Variants in ACAD9 observed in about 807,000 individuals in gnomAD.
ACAD9 encodes acyl-CoA dehydrogenase family member 9, also known as complex I assembly factor ACAD9, mitochondrial.
Under a neutral mutation model 70.2 loss-of-function variants are expected in ACAD9, and 53 were observed. The observed-to-expected ratio is 0.75, with a 90% CI of 0.61 to 0.95. The LOEUF is 0.95. Ranked by LOEUF, ACAD9 falls within the 40% of genes least tolerant of loss-of-function variation. ACAD9 has a pLI of 0.00. For synonymous variants in ACAD9, 313 were observed against 312.1 expected (o/e 1.00, Z -0.03); for missense variants, 777 against 802.8 (o/e 0.97, Z 0.39).
chr3:128,889,500 C>G (rs1229483404), intron 2 of ACAD9, among the ~76,000 whole-genome samples: 5 of 152,240 alleles, frequency 3.3e-5, no homozygotes, highest in Non-Finnish European at 5.9e-5. Flanking sequence ...AGTGAACGTA[C>G]TCATTACCCG....
chr3:128,883,735 T>G (rs1047992161), intron 1 of ACAD9, among the ~76,000 whole-genome samples: 3 of 152,086 alleles, frequency 2.0e-5, no homozygotes, highest in African/African-American at 4.8e-5. Flanking sequence ...AAGTTGGCTG[T>G]CACTTTTAGT....
At chr3:128,891,567 G>A (rs933090577) in intron 2 of ACAD9, among the ~76,000 whole-genome samples, 1 of 152,204 alleles carries the variant, frequency 6.6e-6, no homozygotes, top group Non-Finnish European at 1.5e-5. Flanking sequence ...GTTGCAGTGA[G>A]CTGAGATCAC....
chr3:128,910,757 C>A lies in ACAD9; in HGVS notation c.1709C>A (p.Thr570Asn). 1.2e-6 allele frequency: 2 copies of A among 1,614,236 alleles called. No individual in the cohort carries two copies. The highest frequency in any genetic ancestry group is 1.7e-6 in the Non-Finnish European group (2 of 1,180,044). ...NHDHEVLLAN[T>N]FCVEAYLQNL... ...TTCTGGCAGGTTCTCTTGGCCAACACCTTCTGCGTGGAAGCTTACTTGCAG... is the reference window on the plus strand; with the variant it reads ...TTCTGGCAGGTTCTCTTGGCCAACAACTTCTGCGTGGAAGCTTACTTGCAG... Residue 570 changes from threonine to asparagine, a missense_variant, in exon 17 of 18, where the codon ACC (threonine) becomes AAC (asparagine). Thr to Asn is a moderately conservative substitution (Grantham distance 65). Transcript: ENST00000308982.
chr3:128,883,548 G>A (rs1935157657), intron 1 of ACAD9, among the ~76,000 whole-genome samples: 1 of 152,042 alleles, frequency 6.6e-6, no homozygotes, highest in African/African-American at 2.4e-5. Context: ...AGTAGAAACG[G>A]GGTTTCACCA....
At chr3:128,893,741 T>C in intron 3 of ACAD9, 85 bp downstream of exon 3, 2 of 1,154,880 alleles carry the variant, frequency 1.7e-6, no homozygotes, top group Admixed American at 1.9e-5. Flanking sequence ...GTTGCTGGAA[T>C]AGATGACACC....
chr3:128,906,535 G>A (rs1475444588), intron 12 of ACAD9, among the ~76,000 whole-genome samples: 1 of 152,176 alleles, frequency 6.6e-6, no homozygotes, highest in Non-Finnish European at 1.5e-5. Context: ...GCCGACCAAG[G>A]GAGATGACAG....
At position 128,906,102 on chromosome 3, in the gene ACAD9, T is replaced by A; in HGVS notation, c.1150-19T>A. On this transcript the variant is annotated intron_variant, in intron 11 of 17. Coordinates refer to ENST00000308982, the MANE Select transcript of ACAD9 (RefSeq NM_014049.5). ...CGTAGGTCCTCCTTTTGGAAAGGATTCAGTGTGACACCCCACAGGTGTTCA... is the reference window on the plus strand; with the variant it reads ...CGTAGGTCCTCCTTTTGGAAAGGATACAGTGTGACACCCCACAGGTGTTCA... The A allele has an allele frequency of 6.2e-7, 1 of 1,614,104 alleles. No homozygotes were observed. The highest frequency in any genetic ancestry group is 8.5e-7 in the Non-Finnish European group (1 of 1,180,030).
chr3:128,910,005 G>A lies in ACAD9; in HGVS notation c.1564-16G>A. 1.2e-6 allele frequency: 2 copies of A among 1,612,750 alleles called. No individual in the cohort carries two copies. Among genetic ancestry groups the A allele is most frequent in the African/African-American group, 1.3e-5 (1 of 75,062 alleles). On this transcript the variant is annotated splice_polypyrimidine_tract_variant and intron_variant, in intron 15 of 17. Coordinates refer to ENST00000308982, the MANE Select transcript of ACAD9 (RefSeq NM_014049.5). ...TCTAGGTAGTGAGTCCCCACTTGGA[G>A]CCTCTGTGATCCCAGACCATCATGG...
rs144152795 is a variant in ACAD9, at chr3:128,906,423, C to T, written c.1278+174C>T. On this transcript the variant is annotated intron_variant, in intron 12 of 17. Coordinates refer to ENST00000308982, the MANE Select transcript of ACAD9 (RefSeq NM_014049.5). ...CCGACTGCTGCCCTCCATGAAGTCA[C>T]AAGCCTGAGGAGTCAGTTCAGTTAG... 1.7e-3 allele frequency among the ~76,000 whole-genome samples: 256 copies of T among 152,288 alleles called. 1 individual carries two copies. In the East Asian group the frequency reaches 0.019, roughly 11 times the overall value.
intron 16 of ACAD9, chr3:128,910,483 T>G (rs1936160852): frequency 1.2e-6 from 1 of 829,050 alleles, no homozygotes; most frequent in Non-Finnish European, 1.9e-6. Context: ...CTGCCTGCAC[T>G]TTCCAGAGCA....
At chr3:128,911,127 G>A (rs1335880715) in intron 17 of ACAD9, among the ~76,000 whole-genome samples, 2 of 152,210 alleles carry the variant, frequency 1.3e-5, no homozygotes, top group Non-Finnish European at 2.9e-5. Flanking sequence ...CGCAGTCTTG[G>A]CTCCCTGCAA....
At chr3:128,891,448 C>G (rs1935418890) in intron 2 of ACAD9, among the ~76,000 whole-genome samples, 1 of 152,120 alleles carries the variant, frequency 6.6e-6, no homozygotes, top group Non-Finnish European at 1.5e-5. Flanking sequence ...GGGTGAAACC[C>G]CGTCTCTACC....
At chr3:128,906,305 A>G (rs1160803555) in intron 12 of ACAD9, 56 bp downstream of exon 12, 1 of 1,609,278 alleles carries the variant, frequency 6.2e-7, no homozygotes, top group African/African-American at 1.3e-5. Context: ...GCCTGGTCCT[A>G]AAGATGCTGC....
intron 15 of ACAD9, 88 bp from the exon 16 acceptor site, chr3:128,909,933 A>C: frequency 6.4e-7 from 1 of 1,568,290 alleles, no homozygotes; most frequent in Non-Finnish European, 8.7e-7. Context: ...ACAGGAGACT[A>C]AGACAGGCAA....
At chr3:128,905,794 A>G (rs1301503758) in intron 11 of ACAD9, among the ~76,000 whole-genome samples, 2 of 152,204 alleles carry the variant, frequency 1.3e-5, no homozygotes, top group African/African-American at 4.8e-5. Context: ...ACAGACAGAA[A>G]GAAATCACGG....
At chr3:128,879,974 C>T in intron 1 of ACAD9, 133 bp downstream of exon 1, 2 of 1,559,248 alleles carry the variant, frequency 1.3e-6, no homozygotes, top group Non-Finnish European at 1.7e-6. Flanking sequence ...GGCGTGTTAA[C>T]ACTCCGGATT....
intron 2 of ACAD9, among the ~76,000 whole-genome samples, chr3:128,893,045 C>T (rs1935466964): frequency 6.6e-6 from 1 of 152,068 alleles, no homozygotes; most frequent in Non-Finnish European, 1.5e-5. Flanking sequence ...GCTCTGGCAG[C>T]TTTTAACAAT....
chr3:128,883,834 G>C (rs1278504938), intron 1 of ACAD9, among the ~76,000 whole-genome samples: 1 of 152,156 alleles, frequency 6.6e-6, no homozygotes, highest in Non-Finnish European at 1.5e-5. Context: ...TCTGTTGGCT[G>C]ATTAGCTGTA....
At chr3:128,898,481 C>T in intron 6 of ACAD9, 1 of 442,644 alleles carries the variant, frequency 2.3e-6, no homozygotes. Context: ...TCTTGGCTCA[C>T]TGCAGCCTCA....
Sources: gnomAD v4.1 joint callset for allele counts (sites outside exome capture counted in the v4.1 genomes callset) on GRCh38, gnomAD v4.1.1 for gene constraint, MANE v1.5 for transcripts, NCBI Gene and HGNC (gene_info 2026-07-23, HGNC 2026-07-21) for gene names.